Variants in CCDC171 observed in about 807,000 individuals in gnomAD.
The protein encoded by CCDC171 is coiled-coil domain containing 171, also known as coiled-coil domain-containing protein 171.
A neutral mutation model predicts 168.2 loss-of-function variants in CCDC171; 177 were observed. The ratio of observed to expected loss-of-function variants is 1.05; its 90% CI spans 0.93 to 1.19. The LOEUF (loss-of-function observed/expected upper bound fraction) is 1.19. CCDC171 is among the 50% of genes most tolerant of loss of function. CCDC171 has a pLI of 0.00. For synonymous variants in CCDC171, 687 were observed against 540.8 expected (o/e 1.27, Z -3.75); for missense variants, 1,991 against 1,539.0 (o/e 1.29, Z -4.91).
chr9:15,935,986 A>G (rs1309466263), intron 25 of CCDC171, among the ~76,000 whole-genome samples: 4 of 152,092 alleles, frequency 2.6e-5, no homozygotes, highest in Non-Finnish European at 5.9e-5. Flanking sequence ...CATTGCAGAA[A>G]ACAACTTAGG....
At chr9:15,981,710 C>A (rs1831802435) in intron 3 of CCDC171, among the ~76,000 whole-genome samples, 1 of 152,148 alleles carries the variant, frequency 6.6e-6, no homozygotes, top group Admixed American at 6.5e-5. Context: ...ACTTCAGAAA[C>A]AATGTCTTAC....
chr9:15,703,352 A>G (rs1305422750), intron 11 of CCDC171, among the ~76,000 whole-genome samples: 3 of 152,184 alleles, frequency 2.0e-5, no homozygotes, highest in South Asian at 4.1e-4. Context: ...ACGAATGTGA[A>G]CTAGAAACCT....
chr9:16,033,709 A>T (rs1833408906), intron 6 of CCDC171, among the ~76,000 whole-genome samples: 1 of 150,550 alleles, frequency 6.6e-6, no homozygotes, highest in South Asian at 2.2e-4. Flanking sequence ...TGTCTGTGGA[A>T]AAACTGTCTT....
At chr9:15,782,461 G>C (rs1038047194) in intron 20 of CCDC171, among the ~76,000 whole-genome samples, 2 of 152,196 alleles carry the variant, frequency 1.3e-5, no homozygotes, top group African/African-American at 4.8e-5. Context: ...GACAAGAGAG[G>C]CTAAAATTAC....
chr9:15,628,822 C>T (rs2045410159), intron 7 of CCDC171, among the ~76,000 whole-genome samples: 1 of 152,156 alleles, frequency 6.6e-6, no homozygotes. Flanking sequence ...GGGTACTCCT[C>T]TGAGACAAAA....
chr9:15,955,216 T>G (rs1236061714), intron 25 of CCDC171, among the ~76,000 whole-genome samples: 1 of 152,190 alleles, frequency 6.6e-6, no homozygotes, highest in Non-Finnish European at 1.5e-5. Context: ...GGTCACTTTC[T>G]AATTTTCCTC....
chr9:15,674,712 G>A (rs1480989852), intron 9 of CCDC171, among the ~76,000 whole-genome samples: 1 of 152,216 alleles, frequency 6.6e-6, no homozygotes, highest in African/African-American at 2.4e-5. Flanking sequence ...TGATTGCACT[G>A]TGGTCTGAGA....
intron 7 of CCDC171, among the ~76,000 whole-genome samples, chr9:15,625,697 C>G (rs897280824): frequency 6.6e-6 from 1 of 152,198 alleles, no homozygotes; most frequent in Non-Finnish European, 1.5e-5. Context: ...GGTAGCAGTA[C>G]TATGCTGTTT....
At chr9:15,712,194 G>A (rs532266009) in intron 11 of CCDC171, among the ~76,000 whole-genome samples, 23 of 152,310 alleles carry the variant, frequency 1.5e-4, no homozygotes, top group African/African-American at 5.5e-4. Flanking sequence ...GTTAGGGAGG[G>A]CAATCTGCCA....
intron 21 of CCDC171, among the ~76,000 whole-genome samples, chr9:15,841,341 A>C (rs1008949719): frequency 2.6e-5 from 4 of 152,110 alleles, no homozygotes; most frequent in Non-Finnish European, 5.9e-5. Flanking sequence ...AGATTTAAAG[A>C]ACAGTCTGTA....
intron 16 of CCDC171, 39 bp downstream of exon 16, chr9:15,729,837 C>G: frequency 1.3e-6 from 2 of 1,561,166 alleles, no homozygotes; most frequent in South Asian, 1.2e-5. Context: ...AAATGGGTTA[C>G]TCAGTGTAAC....
At chr9:15,761,066 A>G (rs540066241) in intron 18 of CCDC171, among the ~76,000 whole-genome samples, 1 of 152,318 alleles carries the variant, frequency 6.6e-6, no homozygotes, top group East Asian at 1.9e-4. Flanking sequence ...TTCTCAAGAT[A>G]GAAACAAATG....
At chr9:15,690,434 T>C (rs766752867) in intron 10 of CCDC171, among the ~76,000 whole-genome samples, 4 of 152,218 alleles carry the variant, frequency 2.6e-5, no homozygotes, top group Non-Finnish European at 5.9e-5. Flanking sequence ...AATCAATGTT[T>C]AGAGATAGAT....
At chr9:15,823,991 A>G (rs918897293) in intron 21 of CCDC171, among the ~76,000 whole-genome samples, 1 of 152,160 alleles carries the variant, frequency 6.6e-6, no homozygotes, top group Non-Finnish European at 1.5e-5. Flanking sequence ...AGAAAACTTA[A>G]TAGCATTGAA....
chr9:15,973,223 T>C lies in CCDC171; in HGVS notation c.*1387T>C, dbSNP rs181375622. ...GTGAACTATAGCTTTTGACAAAGAGTCTTGATACATAATCTATTTTTTATA... is the reference window on the plus strand; with the variant it reads ...GTGAACTATAGCTTTTGACAAAGAGCCTTGATACATAATCTATTTTTTATA... On this transcript the variant is annotated 3_prime_UTR_variant, in exon 26 of 26. Transcript: ENST00000380701. The C allele has an allele frequency of 5.3e-5, 8 of 152,238 alleles. No homozygotes were observed. Among genetic ancestry groups the C allele is most frequent in the Admixed American group, 3.9e-4 (6 of 15,276 alleles). 9.4% of individuals were successfully genotyped at this position (152,238 alleles called of 1,614,324 possible). A position where few individuals can be genotyped will look rare whatever the true frequency, so the allele number is the denominator to read the frequency against.
the CCDC171 span, among the ~76,000 whole-genome samples, chr9:16,106,587 A>G: frequency 2.6e-5 from 4 of 152,214 alleles, no homozygotes; most frequent in African/African-American, 9.6e-5. Context: ...AGTTTGGATA[A>G]ACAGTGAATT....
intron 18 of CCDC171, 63 bp from the exon 19 acceptor site, chr9:15,777,537 A>G (rs1174937427): frequency 2.3e-6 from 2 of 855,292 alleles, no homozygotes. Context: ...TGTGATTAGC[A>G]GTGTTGTGAA....
the CCDC171 span, among the ~76,000 whole-genome samples, chr9:16,092,208 C>G: frequency 6.6e-6 from 1 of 152,260 alleles, no homozygotes; most frequent in Non-Finnish European, 1.5e-5. Context: ...CCTGGAATGT[C>G]CTTTCAGGCT....
chr9:15,662,965 C>T (rs536236545), intron 8 of CCDC171, among the ~76,000 whole-genome samples: 5 of 147,476 alleles, frequency 3.4e-5, no homozygotes, highest in East Asian at 2.0e-4. Context: ...TGGGGGACAA[C>T]GCGAGACTTC....
Sources: gnomAD v4.1 joint callset for allele counts (sites outside exome capture counted in the v4.1 genomes callset) on GRCh38, gnomAD v4.1.1 for gene constraint, MANE v1.5 for transcripts, NCBI Gene and HGNC (gene_info 2026-07-23, HGNC 2026-07-21) for gene names.